RBFOX2: variants seen among roughly 807,000 people sequenced by gnomAD.
RBFOX2 encodes RNA binding fox-1 homolog 2, also known as RNA binding protein fox-1 homolog 2.
RBFOX2 carries 10 observed loss-of-function variants against 49.1 expected under a neutral mutation model. That is an observed-to-expected ratio of 0.20 (90% CI 0.13 to 0.35). RBFOX2 has a LOEUF of 0.35. RBFOX2 is among the 10% of genes least tolerant of loss of function. The probability of loss-of-function intolerance (pLI) is 1.00; values close to 1 mark genes in which losing one functional copy is unlikely to be tolerated. For synonymous variants in RBFOX2, 183 were observed against 187.4 expected, an observed-to-expected ratio of 0.98 and a Z score of 0.19; for missense variants, 323 against 486.9, an observed-to-expected ratio of 0.66 and a Z score of 3.17.
intron 1 of RBFOX2, among the ~76,000 whole-genome samples, chr22:35,974,835 C>T (rs1264876021): frequency 6.6e-6 from 1 of 152,176 alleles, no homozygotes; most frequent in East Asian, 1.9e-4. Context: ...GGGCAAAGTC[C>T]TCCCAAAGAT....
At chr22:35,843,849 G>A (rs932302557), upstream of RBFOX2, among the ~76,000 whole-genome samples, 2 of 152,128 alleles carry the variant, frequency 1.3e-5, no homozygotes, top group African/African-American at 2.4e-5. Context: ...GCATTTCCAC[G>A]CAGAGAGGAT....
intron 1 of RBFOX2, among the ~76,000 whole-genome samples, chr22:35,860,543 T>C (rs1451352664): frequency 1.3e-5 from 2 of 152,242 alleles, no homozygotes; most frequent in Admixed American, 6.5e-5. Context: ...CACAATTTCA[T>C]TGCATAACAT....
intron 1 of RBFOX2, among the ~76,000 whole-genome samples, chr22:35,988,963 G>A (rs1187803068): frequency 1.3e-5 from 2 of 152,204 alleles, no homozygotes; most frequent in Non-Finnish European, 2.9e-5. Flanking sequence ...ACCGAGGCGG[G>A]CAGATCACCT....
rs997752436 is a variant in RBFOX2 at position 35,779,745 on chromosome 22, C to T, written c.400-1667G>A. Among the ~76,000 whole-genome samples the T allele has an allele frequency of 3.9e-5, 6 of 152,136 alleles. No homozygotes were observed. The South Asian group carries it at 1.0e-3, about 26-fold the overall frequency. The stretch of plus-strand genomic sequence containing the variant: ...AGCATGGATGCCTGCTCTTTACCAA[C>T]GTTACTGTTCTTCTAAGTAACAGAG... On this transcript the variant is annotated intron_variant, in intron 3 of 11. Transcript: ENST00000405409.
At chr22:35,833,055 T>C (rs943772329) in intron 1 of RBFOX2, among the ~76,000 whole-genome samples, 4 of 152,194 alleles carry the variant, frequency 2.6e-5, no homozygotes, top group African/African-American at 7.2e-5. Flanking sequence ...ATGTACCCCA[T>C]AAATATGTAT....
chr22:35,921,762 G>C (rs2051050587), intron 1 of RBFOX2, among the ~76,000 whole-genome samples: 1 of 152,194 alleles, frequency 6.6e-6, no homozygotes, highest in African/African-American at 2.4e-5. Context: ...ACATGAGAAT[G>C]CAGACACAGA....
intron 1 of RBFOX2, among the ~76,000 whole-genome samples, chr22:36,016,735 G>A (rs2059050477): frequency 6.6e-6 from 1 of 152,160 alleles, no homozygotes; most frequent in African/African-American, 2.4e-5. Flanking sequence ...AGGTTTTTAA[G>A]CAGTTATTCC....
rs1187293119 is a variant in RBFOX2, at chr22:35,745,778, G to A, written c.1049+145C>T. On this transcript the variant is annotated intron_variant, in intron 11 of 11. Transcript: ENST00000405409. The stretch of plus-strand genomic sequence containing the variant: ...AACACACAAATAAAGAGGGTGACAT[G>A]AAACTTCCAGGTAGATCTATGTGGC... The A allele has an allele frequency of 3.8e-6, 3 of 787,558 alleles. No homozygotes were observed. The Admixed American group carries it at 7.5e-5, about 20-fold the overall frequency. The allele number at this position is 787,558 out of a possible 1,614,324, so 48.8% of individuals were successfully genotyped here. A position where few individuals can be genotyped will look rare whatever the true frequency, so the allele number is the denominator to read the frequency against.
intron 1 of RBFOX2, among the ~76,000 whole-genome samples, chr22:35,825,274 C>G (rs1955412707): frequency 6.6e-6 from 1 of 152,030 alleles, no homozygotes; most frequent in African/African-American, 2.4e-5. Context: ...GTGCTTACCC[C>G]AGAGGAACCA....
intron 1 of RBFOX2, among the ~76,000 whole-genome samples, chr22:35,909,398 A>C (rs2049509000): frequency 6.6e-6 from 1 of 152,188 alleles, no homozygotes; most frequent in Admixed American, 6.5e-5. Flanking sequence ...GGGGAGAAAA[A>C]GAACAACAGC....
At chr22:35,877,282 G>A (rs960867144) in intron 1 of RBFOX2, among the ~76,000 whole-genome samples, 6 of 151,950 alleles carry the variant, frequency 3.9e-5, no homozygotes, top group Non-Finnish European at 1.5e-5. Context: ...GGACAGGAAG[G>A]GAGAAAGGAA....
At chr22:36,012,671 G>A (rs559781736) in intron 1 of RBFOX2, among the ~76,000 whole-genome samples, 4 of 152,172 alleles carry the variant, frequency 2.6e-5, no homozygotes, top group South Asian at 4.2e-4. Flanking sequence ...TCTGGAGGGT[G>A]ACTATAGAAA....
rs190700970 is a variant in RBFOX2 at position 35,950,677 on chromosome 22, G to A, written c.42+10886C>T. 1.7e-3 allele frequency among the ~76,000 whole-genome samples: 258 copies of A among 152,244 alleles called. 1 individual carries two copies. Among genetic ancestry groups the A allele is most frequent in the African/African-American group, 6.0e-3 (251 of 41,550 alleles). On this transcript the variant is annotated intron_variant, in intron 1 of 5. Transcript: ENST00000408983. ...GACTTACTTCTCTGCCATTCTGAGA[G>A]TCAAAGTCATGCCTTCTCCACCAAA...
chr22:36,027,150 G>A (rs1346114792), intron 1 of RBFOX2, among the ~76,000 whole-genome samples: 1 of 152,094 alleles, frequency 6.6e-6, no homozygotes, highest in Non-Finnish European at 1.5e-5. Flanking sequence ...AAACAAAGAT[G>A]AAAACTATTG....
chr22:35,957,494 A>G (rs182369170), intron 1 of RBFOX2, among the ~76,000 whole-genome samples: 35 of 152,324 alleles, frequency 2.3e-4, no homozygotes, highest in Non-Finnish European at 3.5e-4. Context: ...TACAGATAAG[A>G]AAACCAATGT....
intron 1 of RBFOX2, among the ~76,000 whole-genome samples, chr22:35,934,944 T>C (rs2052881507): frequency 6.6e-6 from 1 of 152,150 alleles, no homozygotes; most frequent in Non-Finnish European, 1.5e-5. Context: ...TATTTATTCA[T>C]TTATTTTTGA....
chr22:36,025,640 C>T lies in RBFOX2; in HGVS notation c.186+2600G>A, dbSNP rs1254290719. Reference sequence around the variant, plus strand: ...ACTCTCACACTTCTTTAAAAATGCACGCTTCTTTAAAAAAAACTTTTCGCC... The same window carrying T: ...ACTCTCACACTTCTTTAAAAATGCATGCTTCTTTAAAAAAAACTTTTCGCC... On this transcript the variant is annotated intron_variant, in intron 1 of 13. Coordinates refer to the RBFOX2 transcript ENST00000438146. Among the ~76,000 whole-genome samples, 4 of 152,060 alleles carry T rather than the reference C, an allele frequency of 2.6e-5. No individual in the cohort carries two copies. In the East Asian group the frequency reaches 5.8e-4, roughly 22 times the overall value.
intron 1 of RBFOX2, among the ~76,000 whole-genome samples, chr22:35,862,737 T>G (rs1351205013): frequency 6.6e-6 from 1 of 152,190 alleles, no homozygotes; most frequent in Non-Finnish European, 1.5e-5. Flanking sequence ...GCTCCATAAC[T>G]TCTTAGCTGT....
intron 2 of RBFOX2, among the ~76,000 whole-genome samples, chr22:35,788,277 CAGATTA>C (rs1406056608): frequency 3.9e-5 from 6 of 152,114 alleles, no homozygotes; most frequent in Non-Finnish European, 8.8e-5. Flanking sequence ...CCAAGTCTAT[CAGATTA>C]AGATTAAACA....
Sources: gnomAD v4.1 joint callset for allele counts (sites outside exome capture counted in the v4.1 genomes callset) on GRCh38, gnomAD v4.1.1 for gene constraint, MANE v1.5 for transcripts, NCBI Gene and HGNC (gene_info 2026-07-23, HGNC 2026-07-21) for gene names.